Variants in ACTR3 observed in about 807,000 individuals in gnomAD.
ACTR3 encodes the protein actin-related protein 3.
In ACTR3, 12 loss-of-function variants were observed where a neutral mutation model predicts 56.8. The observed-to-expected ratio is 0.21, with a 90% CI of 0.14 to 0.34. The LOEUF (loss-of-function observed/expected upper bound fraction) is 0.34. Ranked by LOEUF, ACTR3 falls within the 10% of genes least tolerant of loss-of-function variation. The probability of loss-of-function intolerance (pLI) is 1.00; values close to 1 mark genes in which losing one functional copy is unlikely to be tolerated. For missense variants in ACTR3, 282 were observed against 512.5 expected (o/e 0.55, Z 4.34); for synonymous variants, 162 against 167.4 (o/e 0.97, Z 0.25).
chr2:113,920,494 T>G (rs1679487665), intron 3 of ACTR3, among the ~76,000 whole-genome samples: 1 of 152,258 alleles, frequency 6.6e-6, no homozygotes, highest in African/African-American at 2.4e-5. Flanking sequence ...TTTTTTGTGT[T>G]GAGAATATTC....
intron 10 of ACTR3, chr2:113,953,948 G>C (rs1680166049): frequency 1.3e-5 from 2 of 152,110 alleles, no homozygotes; most frequent in African/African-American, 4.8e-5. Flanking sequence ...TTATTGTGTT[G>C]CTTCAGTCTG....
chr2:113,896,682 A>G (rs1679014654), intron 1 of ACTR3, among the ~76,000 whole-genome samples: 1 of 152,270 alleles, frequency 6.6e-6, no homozygotes, highest in Non-Finnish European at 1.5e-5. Flanking sequence ...GCATTCAGAG[A>G]GAAAAGAACG....
At chr2:113,930,476 G>T (rs1298534122) in intron 4 of ACTR3, among the ~76,000 whole-genome samples, 1 of 151,988 alleles carries the variant, frequency 6.6e-6, no homozygotes, top group Non-Finnish European at 1.5e-5. Context: ...GTCAAAAAGA[G>T]AATTCTGTGT....
At chr2:113,956,186 G>A (rs1228024043) in intron 11 of ACTR3, among the ~76,000 whole-genome samples, 1 of 151,840 alleles carries the variant, frequency 6.6e-6, no homozygotes, top group Non-Finnish European at 1.5e-5. Flanking sequence ...GAGCTGCTGC[G>A]CCTGGCTGAA....
intron 3 of ACTR3, among the ~76,000 whole-genome samples, chr2:113,922,540 C>CA (rs985570307): frequency 1.8e-4 from 28 of 152,272 alleles, no homozygotes; most frequent in Non-Finnish European, 2.5e-4. Flanking sequence ...GCGGCATTGA[C>CA]ACTCGTCATT....
At chr2:113,893,030 T>G (rs1678935441) in intron 1 of ACTR3, among the ~76,000 whole-genome samples, 1 of 147,672 alleles carries the variant, frequency 6.8e-6, no homozygotes, top group African/African-American at 2.5e-5. Context: ...ATTGATACCC[T>G]TATCTACACA....
At chr2:113,890,382 G>A (rs1678862440) in intron 1 of ACTR3, 59 bp downstream of exon 1, 2 of 1,392,236 alleles carry the variant, frequency 1.4e-6, no homozygotes, top group Non-Finnish European at 9.7e-7. Context: ...AGATGGCGGG[G>A]GAGGGAGGAG....
chr2:113,959,597 G>T lies in ACTR3; in HGVS notation c.*2142G>T, dbSNP rs531870158. 1 of 152,146 alleles carries T rather than the reference G, an allele frequency of 6.6e-6. No homozygotes were observed. The highest frequency in any genetic ancestry group is 1.9e-4 in the East Asian group (1 of 5,178). The allele number at this position is 152,146 out of a possible 1,614,324, so 9.4% of individuals were successfully genotyped here. A position where few individuals can be genotyped will look rare whatever the true frequency, so the allele number is the denominator to read the frequency against. ...CAAAACTCCAGCCCTTCTTGTGTAT[G>T]TTCTGATATCCCTTTGCTCTACTTT... is the stretch of plus-strand genomic sequence containing the variant. On this transcript the variant is annotated 3_prime_UTR_variant, in exon 12 of 12. Coordinates refer to ENST00000263238, the MANE Select transcript of ACTR3 (RefSeq NM_005721.5).
chr2:113,941,581 A>T (rs1206208892), intron 7 of ACTR3, among the ~76,000 whole-genome samples: 1 of 152,178 alleles, frequency 6.6e-6, no homozygotes, highest in African/African-American at 2.4e-5. Context: ...ATTGGTTGGC[A>T]GTTGGGAGTT....
At chr2:113,917,144 A>G (rs1220639239) in intron 3 of ACTR3, 136 bp downstream of exon 3, 7 of 683,864 alleles carry the variant, frequency 1.0e-5, no homozygotes, top group Non-Finnish European at 1.3e-5. Context: ...CTTTTTCCCT[A>G]TGGCATCCTT....
chr2:113,926,271 A>G (rs938365644), intron 3 of ACTR3, among the ~76,000 whole-genome samples: 2 of 152,226 alleles, frequency 1.3e-5, no homozygotes, highest in African/African-American at 4.8e-5. Context: ...AAAGGAATAT[A>G]TAATAGTTTG....
intron 6 of ACTR3, among the ~76,000 whole-genome samples, chr2:113,935,374 C>T (rs1446213446): frequency 6.6e-6 from 1 of 152,202 alleles, no homozygotes; most frequent in Non-Finnish European, 1.5e-5. Context: ...CCCTTGATTC[C>T]TTCAGCCCCT....
At chr2:113,940,731 A>G (rs572939939) in intron 7 of ACTR3, among the ~76,000 whole-genome samples, 6 of 151,444 alleles carry the variant, frequency 4.0e-5, no homozygotes, top group African/African-American at 1.4e-4. Flanking sequence ...CTGCCATGGC[A>G]AAAGTAACTT....
intron 3 of ACTR3, among the ~76,000 whole-genome samples, chr2:113,920,481 T>A (rs1222508358): frequency 1.3e-5 from 2 of 152,256 alleles, no homozygotes; most frequent in Admixed American, 6.5e-5. Context: ...CTCAAACACT[T>A]ATTTTTTTGT....
chr2:113,956,813 T>A (rs773097428), intron 11 of ACTR3, among the ~76,000 whole-genome samples: 1 of 152,202 alleles, frequency 6.6e-6, no homozygotes, highest in Non-Finnish European at 1.5e-5. Context: ...TTTCCTCAAT[T>A]TTAGTCTTCT....
intron 1 of ACTR3, among the ~76,000 whole-genome samples, chr2:113,906,971 A>G (rs1031205647): frequency 1.3e-5 from 2 of 152,104 alleles, no homozygotes; most frequent in African/African-American, 4.8e-5. Context: ...GGATTTTTCT[A>G]TTTCTGCAAA....
At position 113,957,753 on chromosome 2, in the gene ACTR3, A is replaced by G. The variant is rs143168226; in HGVS notation, c.*298A>G. On this transcript the variant is annotated 3_prime_UTR_variant, in exon 12 of 12. Transcript: ENST00000263238. ...ATATTAATGAATTATCCAAGATTCG[A>G]TGGGATTTATCAGTGTGTAGATAGC... is the stretch of plus-strand genomic sequence containing the variant. 2.3e-3 allele frequency: 670 copies of G among 291,534 alleles called. 5 individuals are homozygous for G. The East Asian group carries it at 0.03, about 13-fold the overall frequency. 18.1% of individuals were successfully genotyped at this position (291,534 alleles called of 1,614,324 possible). A position where few individuals can be genotyped will look rare whatever the true frequency, so the allele number is the denominator to read the frequency against.
chr2:113,936,556 T>C (rs1287686372), intron 6 of ACTR3, among the ~76,000 whole-genome samples: 1 of 152,210 alleles, frequency 6.6e-6, no homozygotes, highest in African/African-American at 2.4e-5. Flanking sequence ...ATAATAATTA[T>C]ACAACAGCTT....
chr2:113,932,213 A>G (rs1185326238), intron 5 of ACTR3, among the ~76,000 whole-genome samples: 1 of 152,254 alleles, frequency 6.6e-6, no homozygotes, highest in African/African-American at 2.4e-5. Flanking sequence ...AATGCAATCC[A>G]TAAATTTAAT....
Sources: allele counts gnomAD v4.1 joint callset (sites outside exome capture counted in the v4.1 genomes callset), GRCh38; gene constraint gnomAD v4.1.1; transcripts MANE v1.5; gene names NCBI Gene and HGNC (gene_info 2026-07-23, HGNC 2026-07-21).